DHRS3: variants seen among roughly 807,000 people sequenced by gnomAD.
DHRS3 encodes the protein dehydrogenase/reductase 3, also known as short-chain dehydrogenase/reductase 3.
DHRS3 carries 14 observed loss-of-function variants against 27.2 expected under a neutral mutation model. That is an observed-to-expected ratio of 0.52 (90% CI 0.34 to 0.81). DHRS3 has a LOEUF of 0.81. DHRS3 is among the 30% of genes least tolerant of loss of function. The pLI, the probability that DHRS3 is intolerant of heterozygous loss-of-function variation, is 0.01. For missense variants in DHRS3, 322 were observed against 406.2 expected (o/e 0.79, Z 1.78); for synonymous variants, 165 against 175.9 (o/e 0.94, Z 0.49).
intron 1 of DHRS3, among the ~76,000 whole-genome samples, chr1:12,607,982 A>G (rs1449756953): frequency 6.6e-6 from 1 of 152,034 alleles, no homozygotes; most frequent in Non-Finnish European, 1.5e-5. Context: ...GGTTCAAGTG[A>G]TTCTCCTGCC....
chr1:12,598,181 T>C (rs1646811603), intron 1 of DHRS3, among the ~76,000 whole-genome samples: 1 of 152,044 alleles, frequency 6.6e-6, no homozygotes, highest in African/African-American at 2.4e-5. Context: ...AGAGGAATAA[T>C]AACAACAGGT....
intron 1 of DHRS3, among the ~76,000 whole-genome samples, chr1:12,582,208 G>A (rs2100665687): frequency 6.6e-6 from 1 of 152,302 alleles, no homozygotes; most frequent in East Asian, 1.9e-4. Flanking sequence ...TTTATCCGCT[G>A]CTCACCTTGA....
chr1:12,590,688 T>A (rs1646738608), intron 1 of DHRS3, among the ~76,000 whole-genome samples: 5 of 152,074 alleles, frequency 3.3e-5, no homozygotes. Context: ...CGCAGCCTCT[T>A]CCTCCCCAGC....
At position 12,592,516 on chromosome 1, in the gene DHRS3, G is replaced by A. The variant is rs1367005547; in HGVS notation, c.196-11850C>T. On this transcript the variant is annotated intron_variant, in intron 1 of 5. Transcript: ENST00000616661. This position sits in a 1 kb window ranked among gnomAD's most constrained non-coding sequence, Gnocchi z 4.2. ...GGCGGCCACAAGCCACGCGATGCCA[G>A]GAGCTGCCAAGAGCCACCAGGAGCT... 6.6e-6 allele frequency among the ~76,000 whole-genome samples: 1 copy of A among 152,226 alleles called. No individual in the cohort carries two copies. The highest frequency in any genetic ancestry group is 1.5e-5 in the Non-Finnish European group (1 of 68,032).
Position 12,580,456 on chromosome 1 carries a change from T to G in DHRS3, c.339+67A>C, listed in dbSNP as rs560070887. ...AGCTCTCTTCCAGGCCACATGAGAATGTTCTCTTTGCCCGGAATTAGCCTG... is the reference window on the plus strand; with the variant it reads ...AGCTCTCTTCCAGGCCACATGAGAAGGTTCTCTTTGCCCGGAATTAGCCTG... On this transcript the variant is annotated intron_variant, in intron 2 of 5. Transcript: ENST00000616661. 234 of 1,609,810 alleles carry G rather than the reference T, an allele frequency of 1.5e-4. No individual in the cohort carries two copies. In the African/African-American group the frequency reaches 2.8e-3, roughly 19 times the overall value.
chr1:12,605,495 G>A (rs945550674), intron 1 of DHRS3, among the ~76,000 whole-genome samples: 5 of 152,146 alleles, frequency 3.3e-5, no homozygotes, highest in Non-Finnish European at 7.3e-5. Context: ...ACAGTACCAT[G>A]TATAGTAATA....
At chr1:12,573,555 T>A (rs1294180786) in intron 4 of DHRS3, among the ~76,000 whole-genome samples, 4 of 152,246 alleles carry the variant, frequency 2.6e-5, no homozygotes, top group Non-Finnish European at 5.9e-5. Flanking sequence ...CTGAACACAC[T>A]GATGACTTGC....
At chr1:12,616,944 G>T in intron 1 of DHRS3, 1 of 872,328 alleles carries the variant, frequency 1.1e-6, no homozygotes, top group Non-Finnish European at 1.7e-6. Flanking sequence ...TCCCAAAGGA[G>T]CGGATCAACT....
At chr1:12,579,934 T>C (rs1051754979) in intron 2 of DHRS3, 2 of 184,926 alleles carry the variant, frequency 1.1e-5, no homozygotes, top group Non-Finnish European at 2.3e-5. Context: ...CCTGCATACA[T>C]AGAGGCCCAG....
chr1:12,572,754 T>G lies in DHRS3; in HGVS notation c.798A>C (p.Thr266=). The change falls in exon 5 of 6, where the codon ACA becomes ACC. Residue 266 remains threonine, a synonymous_variant. Transcript: ENST00000616661. The part of the protein sequence containing the change: ...LNQALLLLPW[T]MHALVILKSI... ...TTTTCAAGATAACGAGGGCATGCAT[T>G]GTCCATGGGAGGAGGAGGAGGGCCT... The G allele has an allele frequency of 6.2e-7, 1 of 1,609,956 alleles. No individual in the cohort carries two copies. The highest frequency in any genetic ancestry group is 8.5e-7 in the Non-Finnish European group (1 of 1,178,316).
chr1:12,588,649 C>T (rs1296791271), intron 1 of DHRS3, among the ~76,000 whole-genome samples: 4 of 152,222 alleles, frequency 2.6e-5, no homozygotes, highest in Non-Finnish European at 5.9e-5. Context: ...CAGCTAACAT[C>T]ATCACAAGAC....
chr1:12,608,224 G>A lies in DHRS3; in HGVS notation c.195+8930C>T, dbSNP rs1646883827. 2.6e-5 allele frequency among the ~76,000 whole-genome samples: 4 copies of A among 151,934 alleles called. No individual in the cohort carries two copies. Among genetic ancestry groups the A allele is most frequent in the African/African-American group, 4.8e-5 (2 of 41,350 alleles). Reference sequence around the variant, plus strand: ...TAATTCCATTTTCCACCACCTTTTTGAAGTCCCCTTGTATATTACCACAGT... The same window carrying A: ...TAATTCCATTTTCCACCACCTTTTTAAAGTCCCCTTGTATATTACCACAGT... On this transcript the variant is annotated intron_variant, in intron 1 of 5. Coordinates refer to ENST00000616661, the MANE Select transcript of DHRS3 (RefSeq NM_004753.7). This position sits in a 1 kb window ranked among gnomAD's most constrained non-coding sequence, Gnocchi z 4.1.
At chr1:12,611,701 G>GC (rs1390250721) in intron 1 of DHRS3, among the ~76,000 whole-genome samples, 7 of 152,044 alleles carry the variant, frequency 4.6e-5, no homozygotes, top group Admixed American at 4.6e-4. Flanking sequence ...GAATTTTTGA[G>GC]CGTGCCGGGA....
intron 5 of DHRS3, among the ~76,000 whole-genome samples, chr1:12,570,543 T>G (rs1646526796): frequency 1.3e-5 from 2 of 152,172 alleles, no homozygotes; most frequent in African/African-American, 4.8e-5. Context: ...TGAGGAGGGA[T>G]GCAGTTCAGA....
At chr1:12,615,896 C>T (rs1323328834) in intron 1 of DHRS3, among the ~76,000 whole-genome samples, 1 of 152,176 alleles carries the variant, frequency 6.6e-6, no homozygotes, top group Admixed American at 6.5e-5. Flanking sequence ...CCAAACCACC[C>T]AAGGAGAAGA....
intron 1 of DHRS3, among the ~76,000 whole-genome samples, chr1:12,590,004 C>T (rs1191057255): frequency 1.3e-5 from 2 of 152,120 alleles, no homozygotes; most frequent in Admixed American, 1.3e-4. Flanking sequence ...TGGGGCAAAA[C>T]CACAGAATCT....
At position 12,592,493 on chromosome 1, in the gene DHRS3, C is replaced by T. The variant is rs189507015; in HGVS notation, c.196-11827G>A. 6.6e-5 allele frequency among the ~76,000 whole-genome samples: 10 copies of T among 152,226 alleles called. No individual in the cohort carries two copies. The highest frequency in any genetic ancestry group is 2.1e-4 in the South Asian group (1 of 4,822). On this transcript the variant is annotated intron_variant, in intron 1 of 5. Coordinates refer to ENST00000616661, the MANE Select transcript of DHRS3 (RefSeq NM_004753.7). The surrounding 1 kb of genome is among the most constrained non-coding windows in gnomAD (Gnocchi z 4.2). The stretch of plus-strand genomic sequence containing the variant: ...GATGGAAGCAGAGACGGCAGTGAGG[C>T]GGCCACAAGCCACGCGATGCCAGGA...
rs1406017843 is a variant in DHRS3 at position 12,606,990 on chromosome 1, T to G, written c.195+10164A>C. 6.6e-5 allele frequency among the ~76,000 whole-genome samples: 10 copies of G among 152,152 alleles called. No homozygotes were observed. The East Asian group carries it at 1.9e-3, about 29-fold the overall frequency. ...AAGAGCAAAGGTCATGGCAATAGTT[T>G]TTTTGGGATGTTCAAGGCATTTTGC... On this transcript the variant is annotated intron_variant, in intron 1 of 5. Coordinates refer to ENST00000616661, the MANE Select transcript of DHRS3 (RefSeq NM_004753.7).
At chr1:12,601,667 G>A (rs1358711484) in intron 1 of DHRS3, among the ~76,000 whole-genome samples, 1 of 152,122 alleles carries the variant, frequency 6.6e-6, no homozygotes, top group African/African-American at 2.4e-5. Context: ...TCCACTAGGG[G>A]CCATCAATGC....
Sources: allele counts gnomAD v4.1 joint callset (sites outside exome capture counted in the v4.1 genomes callset), GRCh38; gene constraint gnomAD v4.1.1; non-coding constraint Gnocchi (gnomAD v3.1); transcripts MANE v1.5; gene names NCBI Gene and HGNC (gene_info 2026-07-23, HGNC 2026-07-21).